LOXL3: variants seen among roughly 807,000 people sequenced by gnomAD.
LOXL3 encodes lysyl oxidase like 3.
In LOXL3, 60 loss-of-function variants were observed where a neutral mutation model predicts 91.8. That is an observed-to-expected ratio of 0.65 (90% CI 0.53 to 0.81). The LOEUF (loss-of-function observed/expected upper bound fraction) is 0.81. Among genes scored for constraint, LOXL3 ranks in the 30% least tolerant of loss-of-function variants. LOXL3 has a pLI of 0.00. For missense variants in LOXL3, 874 were observed against 1,000.4 expected, an observed-to-expected ratio of 0.87 and a Z score of 1.70; for synonymous variants, 355 against 387.6, an observed-to-expected ratio of 0.92 and a Z score of 0.99.
Position 74,552,533 on chromosome 2 carries a change from C to T in LOXL3, c.102G>A (p.Glu34=), listed in dbSNP as rs1019312619. Residue 34 remains glutamate (E), a synonymous_variant, in exon 2 of 14, where the codon GAG becomes GAA. Transcript: ENST00000264094. ...GAAGCCCCTGGCTCCCGGCCTTCTT[C>T]TCAGGGCCCGTGGAAGGGGACGGAG... ...LGSPSPSTGP[E]KKAGSQGLRF... The T allele has an allele frequency of 2.0e-5, 33 of 1,613,104 alleles. No homozygotes were observed. Among genetic ancestry groups the T allele is most frequent in the Non-Finnish European group, 2.8e-5 (33 of 1,179,734 alleles).
rs557258417 is a variant in LOXL3, at chr2:74,552,163, G to C, written c.313+159C>G. On this transcript the variant is annotated intron_variant, in intron 2 of 13. Coordinates refer to ENST00000264094, the MANE Select transcript of LOXL3 (RefSeq NM_032603.5). ...CTAGCCTAAGGTCACACAGCTCTGG[G>C]AAGTAACTATGTTGCTTGGTTTGTC... is the stretch of plus-strand genomic sequence containing the variant. Among the ~76,000 whole-genome samples the C allele has an allele frequency of 7.0e-4, 106 of 152,326 alleles. 1 individual carries two copies. The highest frequency in any genetic ancestry group is 1.5e-3 in the Admixed American group (23 of 15,306).
intron 2 of LOXL3, 61 bp downstream of exon 2, chr2:74,552,261 C>G (rs1293897783): frequency 9.3e-6 from 14 of 1,502,938 alleles, no homozygotes; most frequent in Non-Finnish European, 1.3e-5. Flanking sequence ...CTCGTGTTCC[C>G]TTTCCCTGCA....
At position 74,533,627 on chromosome 2, in the gene LOXL3, C is replaced by T; in HGVS notation, c.2241G>A (p.Gln747=). Residue 747 remains glutamine (Q), a synonymous_variant, in exon 14 of 14, where the codon CAG becomes CAA. Transcript: ENST00000264094. ...GCACTTAGATAATCTGGTTGCTGGT[C>T]TGGCCAGGGTAGCGTTCAAACCTCC... ...ANRRFERYPG[Q]TSNQII is the part of the protein sequence containing the mutation. The T allele has an allele frequency of 6.2e-7, 1 of 1,614,068 alleles. No homozygotes were observed. Among genetic ancestry groups the T allele is most frequent in the Non-Finnish European group, 8.5e-7 (1 of 1,180,014 alleles).
intron 4 of LOXL3, among the ~76,000 whole-genome samples, chr2:74,548,308 C>A (rs1417214086): frequency 6.6e-6 from 1 of 152,204 alleles, no homozygotes; most frequent in East Asian, 1.9e-4. Context: ...TAAACGTCAC[C>A]TATACCTGGG....
In LOXL3 at chr2:74,534,160, A is replaced by G. The variant is rs1379702976; in HGVS notation, c.2016T>C (p.His672=). The change falls in exon 12 of 14, where the codon CAT becomes CAC. Residue 672 remains histidine, a synonymous_variant. Transcript: ENST00000264094. Reference sequence around the variant, plus strand: ...TGTCAATCCACTGACAGTCAATGTCATGCCGGTAGAGATCCCAGCAACCCA... The same window carrying G: ...TGTCAATCCACTGACAGTCAATGTCGTGCCGGTAGAGATCCCAGCAACCCA... ...ITVGCWDLYR[H]DIDCQWIDIT... 2.5e-6 allele frequency: 4 copies of G among 1,614,210 alleles called. No homozygotes were observed. The highest frequency in any genetic ancestry group is 3.4e-6 in the Non-Finnish European group (4 of 1,180,038).
Position 74,535,483 on chromosome 2 carries a change from G to A in LOXL3, c.1417-29C>T, listed in dbSNP as rs767624977. On this transcript the variant is annotated intron_variant, in intron 8 of 13. Coordinates refer to ENST00000264094, the MANE Select transcript of LOXL3 (RefSeq NM_032603.5). The surrounding 1 kb of genome is among the most constrained non-coding windows in gnomAD (Gnocchi z 4.2). ...GGGACATATGCAGATGTTTCTGTAA[G>A]GCCCAGGATCCAGCATCTTGGGCCA... 2 of 1,613,178 alleles carry A rather than the reference G, an allele frequency of 1.2e-6. No individual in the cohort carries two copies. The highest frequency in any genetic ancestry group is 3.3e-5 in the Admixed American group (2 of 59,990).
At chr2:74,555,520 C>A, upstream of LOXL3, 2 of 1,612,766 alleles carry the variant, frequency 1.2e-6, no homozygotes, top group Non-Finnish European at 1.7e-6. The surrounding 1 kb of genome is among the most constrained non-coding windows in gnomAD (Gnocchi z 6.1). Context: ...TGCCTCAGAC[C>A]GACCCCCGCT....
intron 4 of LOXL3, among the ~76,000 whole-genome samples, chr2:74,542,520 G>GCA (rs146466764): frequency 0.017 from 2,409 of 145,330 alleles, 43 homozygotes; most frequent in African/African-American, 0.044. Context: ...TCCTACACAT[G>GCA]CACACACACA....
At position 74,536,490 on chromosome 2, in the gene LOXL3, C is replaced by G; in HGVS notation, c.913-19G>C. The G allele has an allele frequency of 8.1e-6, 13 of 1,604,226 alleles. No homozygotes were observed. Among genetic ancestry groups the G allele is most frequent in the Non-Finnish European group, 1.1e-5 (13 of 1,174,700 alleles). On this transcript the variant is annotated intron_variant, in intron 5 of 13. Transcript: ENST00000264094. The surrounding 1 kb of genome is among the most constrained non-coding windows in gnomAD (Gnocchi z 4.5). Reference sequence around the variant, plus strand: ...CACGGGCCTATAGAAGAGAGAAGTGCCCAACAGAGGCAAATGGCAACATCT... The same window carrying G: ...CACGGGCCTATAGAAGAGAGAAGTGGCCAACAGAGGCAAATGGCAACATCT...
intron 13 of LOXL3, 35 bp from the exon 14 acceptor site, chr2:74,533,714 G>T: frequency 6.3e-7 from 1 of 1,596,444 alleles, no homozygotes. Flanking sequence ...GAGGCGCCCT[G>T]CACAGAGGGA....
chr2:74,555,322 AC>A, upstream of LOXL3: 3 of 1,613,878 alleles, frequency 1.9e-6, no homozygotes, highest in Non-Finnish European at 2.5e-6. This position sits in a 1 kb window ranked among gnomAD's most constrained non-coding sequence, Gnocchi z 6.1. Context: ...GGCCCCCGTC[AC>A]CGTGGAGACC....
At chr2:74,554,474 G>A, upstream of LOXL3, 1 of 514,876 alleles carries the variant, frequency 1.9e-6, no homozygotes, top group South Asian at 2.4e-5. The surrounding 1 kb of genome is among the most constrained non-coding windows in gnomAD (Gnocchi z 4.9). Context: ...CAGCCACCAC[G>A]CCCAGAGGCC....
intron 4 of LOXL3, among the ~76,000 whole-genome samples, chr2:74,545,003 G>A (rs1573017519): frequency 1.3e-5 from 2 of 152,114 alleles, no homozygotes; most frequent in Admixed American, 6.6e-5. Context: ...ATGAGATTCC[G>A]ATATGTCCAA....
chr2:74,537,004 T>G lies in LOXL3; in HGVS notation c.693-76A>C, dbSNP rs867026479. On this transcript the variant is annotated intron_variant, in intron 4 of 13. Transcript: ENST00000264094. ...TTGGCCCCACAAACATCCTCCCACT[T>G]CATGCCTCCACCATGCCCCCCACCC... The G allele has an allele frequency of 1.9e-5, 22 of 1,175,304 alleles. No homozygotes were observed. The South Asian group carries it at 3.0e-4, about 16-fold the overall frequency. 72.8% of individuals were successfully genotyped at this position (1,175,304 alleles called of 1,614,324 possible).
At position 74,549,149 on chromosome 2, in the gene LOXL3, G is replaced by A. The variant is rs938757742; in HGVS notation, c.692+220C>T. 4 of 435,912 alleles carry A rather than the reference G, an allele frequency of 9.2e-6. No homozygotes were observed. The highest frequency in any genetic ancestry group is 8.2e-5 in the African/African-American group (4 of 48,806). The allele number at this position is 435,912 out of a possible 1,614,324, so 27.0% of individuals were successfully genotyped here. ...CCAGGCGTCGGCCACGAGAGAGCGG[G>A]AGCCTCGCTGGTCCCCATTTCAGGT... On this transcript the variant is annotated intron_variant, in intron 4 of 13. Coordinates refer to ENST00000264094, the MANE Select transcript of LOXL3 (RefSeq NM_032603.5). The surrounding 1 kb of genome is among the most constrained non-coding windows in gnomAD (Gnocchi z 5.3).
chr2:74,534,766 C>G lies in LOXL3; in HGVS notation c.1588G>C (p.Asp530His). 1 of 1,611,768 alleles carries G rather than the reference C, an allele frequency of 6.2e-7. No individual in the cohort carries two copies. Residue 530 changes from aspartate to histidine, a missense_variant, in exon 10 of 14, where the codon GAT becomes CAT. Coordinates refer to ENST00000264094, the MANE Select transcript of LOXL3 (RefSeq NM_032603.5). ...AGVICSETASDLLLHSALVQE... is the reference protein window; with the variant it reads ...AGVICSETASHLLLHSALVQE... Reference sequence around the variant, plus strand: ...ACCAGTGCTGAGTGCAGCAACAGATCTGATGCAGCTGCACCAAGAAAGGAA... The same window carrying G: ...ACCAGTGCTGAGTGCAGCAACAGATGTGATGCAGCTGCACCAAGAAAGGAA...
At chr2:74,539,804 C>CTT (rs1262131470) in intron 4 of LOXL3, 1 of 152,766 alleles carries the variant, frequency 6.5e-6, no homozygotes, top group Admixed American at 6.5e-5. Context: ...TTCCAAGGGG[C>CTT]TTGGGGTGTC....
Position 74,535,811 on chromosome 2 carries a change from GTC to G in LOXL3, c.1249-58_1249-57del. ...AAAGCTTTGGGGTGAGGTAGTGGGA[GTC>G]TCTAACAGATGTGGCTGAAGCGTGA... On this transcript the variant is annotated intron_variant, in intron 7 of 13. Coordinates refer to ENST00000264094, the MANE Select transcript of LOXL3 (RefSeq NM_032603.5). This position sits in a 1 kb window ranked among gnomAD's most constrained non-coding sequence, Gnocchi z 4.2. 6.6e-7 allele frequency: 1 copy of G among 1,516,192 alleles called. No homozygotes were observed. Among genetic ancestry groups the G allele is most frequent in the Non-Finnish European group, 8.8e-7 (1 of 1,136,286 alleles). 93.9% of individuals were successfully genotyped at this position (1,516,192 alleles called of 1,614,324 possible). A position where few individuals can be genotyped will look rare whatever the true frequency, so the allele number is the denominator to read the frequency against.
chr2:74,536,263 T>C lies in LOXL3; in HGVS notation c.1093+28A>G. On this transcript the variant is annotated intron_variant, in intron 6 of 13. Coordinates refer to ENST00000264094, the MANE Select transcript of LOXL3 (RefSeq NM_032603.5). The surrounding 1 kb of genome is among the most constrained non-coding windows in gnomAD (Gnocchi z 4.5). ...CCCCAGGAGCATGTACCTCCTTCCC[T>C]CTCCCTCCCACCTCCATGCCACCTC... The C allele has an allele frequency of 6.2e-7, 1 of 1,612,740 alleles. No individual in the cohort carries two copies. The highest frequency in any genetic ancestry group is 1.1e-5 in the South Asian group (1 of 90,980).
Sources: allele counts gnomAD v4.1 joint callset (sites outside exome capture counted in the v4.1 genomes callset), GRCh38; gene constraint gnomAD v4.1.1; non-coding constraint Gnocchi (gnomAD v3.1); transcripts MANE v1.5; gene names NCBI Gene and HGNC (gene_info 2026-07-23, HGNC 2026-07-21).